The following TRPM3 variants were observed in gnomAD, a reference collection of about 807,000 sequenced individuals.
TRPM3 encodes transient receptor potential cation channel subfamily M member 3, also known as long transient receptor potential channel 3.
TRPM3 carries 77 observed loss-of-function variants against 181.2 expected under a neutral mutation model. That is an observed-to-expected ratio of 0.42 (90% confidence interval 0.35 to 0.51). The LOEUF (loss-of-function observed/expected upper bound fraction) is 0.51, where lower values mean the gene tolerates loss of function less well. Ranked by LOEUF, TRPM3 falls within the 20% of genes least tolerant of loss-of-function variation. The pLI is 0.01. For missense variants in TRPM3, 1,759 were observed against 2,196.7 expected, an observed-to-expected ratio of 0.80 and a Z score of 3.98; for synonymous variants, 745 against 796.4, an observed-to-expected ratio of 0.94 and a Z score of 1.09.
intron 22 of TRPM3, among the ~76,000 whole-genome samples, chr9:70,566,703 C>G (rs1408241413): frequency 6.6e-6 from 1 of 152,126 alleles, no homozygotes; most frequent in African/African-American, 2.4e-5. Context: ...GGGAATGGCC[C>G]TGCTGTACCT....
chr9:71,291,514 A>G (rs190436980), intron 1 of TRPM3, among the ~76,000 whole-genome samples: 10 of 152,276 alleles, frequency 6.6e-5, no homozygotes, highest in Middle Eastern at 3.4e-3. Flanking sequence ...TGACAATAGA[A>G]AAGATTTATT....
intron 17 of TRPM3, among the ~76,000 whole-genome samples, chr9:70,617,857 C>T (rs917079974): frequency 2.6e-5 from 4 of 152,146 alleles, no homozygotes; most frequent in South Asian, 2.1e-4. Context: ...CCCAGCTACT[C>T]GGGAGGCTGA....
chr9:70,890,468 G>T (rs549006902), intron 1 of TRPM3, among the ~76,000 whole-genome samples: 61 of 152,058 alleles, frequency 4.0e-4, no homozygotes, highest in African/African-American at 1.4e-3. Flanking sequence ...CAAATTGAAG[G>T]GGTCACTGTG....
chr9:71,095,142 A>G (rs959289266), intron 1 of TRPM3, among the ~76,000 whole-genome samples: 11 of 152,314 alleles, frequency 7.2e-5, no homozygotes, highest in African/African-American at 2.6e-4. Flanking sequence ...CACAAGGCAT[A>G]TTACTATTTC....
chr9:70,539,585 T>C (rs2042737455), intron 25 of TRPM3, among the ~76,000 whole-genome samples: 1 of 151,964 alleles, frequency 6.6e-6, no homozygotes, highest in Non-Finnish European at 1.5e-5. Flanking sequence ...GACTTGTACA[T>C]TGAGCTATTC....
intron 8 of TRPM3, among the ~76,000 whole-genome samples, chr9:70,693,736 T>C (rs1303457209): frequency 6.6e-6 from 1 of 152,188 alleles, no homozygotes; most frequent in Non-Finnish European, 1.5e-5. Flanking sequence ...CAGATGCCCT[T>C]GGTTTACCTC....
At chr9:71,119,036 A>G (rs961987665) in intron 1 of TRPM3, among the ~76,000 whole-genome samples, 1 of 152,184 alleles carries the variant, frequency 6.6e-6, no homozygotes, top group Non-Finnish European at 1.5e-5. Flanking sequence ...ATAGGAAAAA[A>G]ATACATAGCA....
At chr9:71,211,668 G>T (rs1386111442) in intron 1 of TRPM3, among the ~76,000 whole-genome samples, 1 of 152,132 alleles carries the variant, frequency 6.6e-6, no homozygotes, top group East Asian at 1.9e-4. Flanking sequence ...GCCTTGGCTT[G>T]CAGAAGTATC....
At chr9:70,583,395 T>G (rs916856568) in intron 22 of TRPM3, among the ~76,000 whole-genome samples, 26 of 152,258 alleles carry the variant, frequency 1.7e-4, no homozygotes, top group African/African-American at 5.5e-4. Flanking sequence ...CTTATAGTCA[T>G]GATAGAGTAG....
intron 1 of TRPM3, among the ~76,000 whole-genome samples, chr9:70,987,412 T>C (rs1263928048): frequency 2.0e-5 from 3 of 152,198 alleles, no homozygotes; most frequent in Non-Finnish European, 4.4e-5. Context: ...GCAACTTCTA[T>C]GTGGTCTATT....
chr9:70,773,283 A>G (rs572932685), intron 7 of TRPM3, among the ~76,000 whole-genome samples: 1 of 152,138 alleles, frequency 6.6e-6, no homozygotes, highest in South Asian at 2.1e-4. Flanking sequence ...TGGGCTGACC[A>G]CTCTCTAGCT....
intron 7 of TRPM3, among the ~76,000 whole-genome samples, chr9:70,779,666 G>A (rs868333617): frequency 3.3e-5 from 5 of 152,120 alleles, no homozygotes; most frequent in Non-Finnish European, 5.9e-5. Context: ...AACACAAAAA[G>A]TAGAATCCTA....
At chr9:71,056,893 A>G (rs2060728951) in intron 1 of TRPM3, among the ~76,000 whole-genome samples, 1 of 152,030 alleles carries the variant, frequency 6.6e-6, no homozygotes, top group South Asian at 2.1e-4. Flanking sequence ...GGATTCATCC[A>G]CACTCTGGAA....
intron 1 of TRPM3, among the ~76,000 whole-genome samples, chr9:71,080,817 A>T (rs910971645): frequency 1.3e-5 from 2 of 152,202 alleles, no homozygotes; most frequent in African/African-American, 4.8e-5. Context: ...CGCTTTCTGA[A>T]TAAGGGGCCT....
intron 1 of TRPM3, among the ~76,000 whole-genome samples, chr9:71,176,543 A>G (rs1339291642): frequency 6.6e-6 from 1 of 152,196 alleles, no homozygotes; most frequent in African/African-American, 2.4e-5. Context: ...ATGTAAAGAA[A>G]TTAAAGCTGA....
chr9:70,549,420 T>C, intron 25 of TRPM3, 122 bp downstream of exon 25: 1 of 1,297,444 alleles, frequency 7.7e-7, no homozygotes, highest in Non-Finnish European at 1.0e-6. Context: ...AGCTCCATGA[T>C]TTCTCAGACA....
rs1554775917 is a variant in TRPM3, at chr9:70,606,651, G to GTATATATATA, written c.2668-3191_2668-3182dup. Among the ~76,000 whole-genome samples the GTATATATATA allele has an allele frequency of 2.2e-4, 31 of 140,740 alleles. 1 individual carries two copies. Among genetic ancestry groups the GTATATATATA allele is most frequent in the African/African-American group, 7.3e-4 (28 of 38,296 alleles). The allele number at this position is 140,740 out of a possible 152,430, so 92.3% of individuals were successfully genotyped here. Reference sequence around the variant, plus strand: ...TAATTGTGTGTGTGTGTGTGTGTGTGTATATATATATATATATGTATACTC... The same window carrying GTATATATATA: ...TAATTGTGTGTGTGTGTGTGTGTGTGTATATATATATATATATATATATATATGTATACTC... On this transcript the variant is annotated intron_variant, in intron 19 of 25. Coordinates refer to ENST00000677713, the MANE Select transcript of TRPM3 (RefSeq NM_001366145.2).
rs1414151186 is a variant in TRPM3, at chr9:71,401,135, T to C, written c.183+45518A>G. ...ATCACTTGAACCTGGGAGACAGAGG[T>C]TGCAGTGAGCCAAGATCGTGCCACT... On this transcript the variant is annotated intron_variant, in intron 1 of 24. Transcript: ENST00000357533. Among the ~76,000 whole-genome samples the C allele has an allele frequency of 6.7e-5, 10 of 148,426 alleles. No individual in the cohort carries two copies. In the Admixed American group the frequency reaches 6.8e-4, roughly 10 times the overall value.
At chr9:70,813,920 G>A (rs1165691789) in intron 6 of TRPM3, among the ~76,000 whole-genome samples, 2 of 152,186 alleles carry the variant, frequency 1.3e-5, no homozygotes, top group African/African-American at 4.8e-5. Context: ...ATCAACACTA[G>A]TTGTTATTAA....
Sources: allele counts gnomAD v4.1 joint callset (sites outside exome capture counted in the v4.1 genomes callset), GRCh38; gene constraint gnomAD v4.1.1; transcripts MANE v1.5; gene names NCBI Gene and HGNC (gene_info 2026-07-23, HGNC 2026-07-21).